ADGRB3: variants seen among roughly 807,000 people sequenced by gnomAD.
ADGRB3 encodes the protein brain-specific angiogenesis inhibitor 3.
ADGRB3 carries 37 observed loss-of-function variants against 193.4 expected under a neutral mutation model. The ratio of observed to expected loss-of-function variants is 0.19; its 90% CI spans 0.15 to 0.25. The LOEUF is 0.25. Ranked by LOEUF, ADGRB3 falls within the 10% of genes least tolerant of loss-of-function variation. The pLI is 1.00. For synonymous variants in ADGRB3, 690 were observed against 644.2 expected (o/e 1.07, Z -1.08); for missense variants, 1,637 against 1,852.9 (o/e 0.88, Z 2.14).
intron 3 of ADGRB3, among the ~76,000 whole-genome samples, chr6:68,893,542 TC>T (rs1432006732): frequency 2.6e-5 from 4 of 151,308 alleles, no homozygotes; most frequent in Non-Finnish European, 5.9e-5. Context: ...TTTTTTTTTT[TC>T]CTTCAGTGTT....
At chr6:69,339,284 C>G in intron 25 of ADGRB3, 49 bp from the exon 26 acceptor site, 1 of 1,589,328 alleles carries the variant, frequency 6.3e-7, no homozygotes, top group Non-Finnish European at 8.6e-7. Context: ...TGGCTATGGC[C>G]TGGGGTGTGA....
chr6:69,237,429 G>A (rs912135936), intron 19 of ADGRB3, among the ~76,000 whole-genome samples: 1 of 151,820 alleles, frequency 6.6e-6, no homozygotes, highest in Non-Finnish European at 1.5e-5. Context: ...GATAAGTTTG[G>A]CAGAGTTACA....
intron 20 of ADGRB3, among the ~76,000 whole-genome samples, chr6:69,292,965 C>T (rs1358212243): frequency 6.6e-6 from 1 of 151,654 alleles, no homozygotes; most frequent in East Asian, 2.0e-4. Flanking sequence ...GCTGCATCTC[C>T]TCTGTGATTC....
At chr6:68,707,677 C>T (rs1431280622) in intron 3 of ADGRB3, among the ~76,000 whole-genome samples, 4 of 152,044 alleles carry the variant, frequency 2.6e-5, no homozygotes, top group Non-Finnish European at 5.9e-5. Flanking sequence ...CATCAATTCA[C>T]AGTAATCACA....
chr6:69,104,093 A>G (rs1233250686), intron 17 of ADGRB3, among the ~76,000 whole-genome samples: 2 of 151,858 alleles, frequency 1.3e-5, no homozygotes, highest in Admixed American at 1.3e-4. Flanking sequence ...TGTGCAGGTT[A>G]GTTACATATG....
chr6:69,320,035 A>G (rs541828229), intron 20 of ADGRB3, among the ~76,000 whole-genome samples: 1 of 150,908 alleles, frequency 6.6e-6, no homozygotes, highest in Admixed American at 6.6e-5. Context: ...TCTTAGTTCA[A>G]TTTTTTCTGC....
intron 17 of ADGRB3, among the ~76,000 whole-genome samples, chr6:69,178,294 C>T (rs1775486256): frequency 6.6e-6 from 1 of 152,138 alleles, no homozygotes; most frequent in Non-Finnish European, 1.5e-5. Flanking sequence ...ATAGATCTTT[C>T]TCCAACCCTT....
chr6:68,690,054 G>A (rs1383355121), intron 3 of ADGRB3, among the ~76,000 whole-genome samples: 2 of 152,130 alleles, frequency 1.3e-5, no homozygotes, highest in East Asian at 3.9e-4. Context: ...GTAAGTGGGT[G>A]TGAAATTGAA....
chr6:69,159,653 T>C (rs1431473349), intron 17 of ADGRB3, among the ~76,000 whole-genome samples: 1 of 152,142 alleles, frequency 6.6e-6, no homozygotes, highest in East Asian at 1.9e-4. Context: ...CATTTGTTCA[T>C]GGAGTCCCAT....
At chr6:69,060,220 T>TTCTCTCTCTCTCTCTCTCTCTC (rs556453350) in intron 15 of ADGRB3, among the ~76,000 whole-genome samples, 1 of 129,550 alleles carries the variant, frequency 7.7e-6, no homozygotes, top group African/African-American at 3.1e-5. Context: ...CTCTCTCTCT[T>TTCTCTCTCTCTCTCTCTCTCTC]TCTCTCTCTC....
At chr6:69,345,379 A>C (rs1477252673) in intron 26 of ADGRB3, among the ~76,000 whole-genome samples, 2 of 152,210 alleles carry the variant, frequency 1.3e-5, no homozygotes, top group African/African-American at 4.8e-5. Context: ...TGAATCCAAC[A>C]GCACATCAAA....
rs184220631 is a variant in ADGRB3, at chr6:69,182,227, A to G, written c.2481-51063A>G. Among the ~76,000 whole-genome samples, 54 of 152,298 alleles carry G rather than the reference A, an allele frequency of 3.5e-4. No individual in the cohort carries two copies. In the Middle Eastern group the frequency reaches 0.014, roughly 38 times the overall value. Reference sequence around the variant, plus strand: ...AGTAAACATAAACTATGGCATAGAGAAAAATTGCAGAGTAGAGTATGAAGA... The same window carrying G: ...AGTAAACATAAACTATGGCATAGAGGAAAATTGCAGAGTAGAGTATGAAGA... On this transcript the variant is annotated intron_variant, in intron 17 of 31. Coordinates refer to ENST00000370598, the MANE Select transcript of ADGRB3 (RefSeq NM_001704.3).
intron 3 of ADGRB3, among the ~76,000 whole-genome samples, chr6:68,659,842 C>T (rs1049006726): frequency 6.6e-6 from 1 of 150,998 alleles, no homozygotes; most frequent in African/African-American, 2.4e-5. Context: ...ACAGCAGTAA[C>T]CATCTTTTAC....
chr6:68,700,282 A>G (rs986232855), intron 3 of ADGRB3, among the ~76,000 whole-genome samples: 2 of 152,182 alleles, frequency 1.3e-5, no homozygotes, highest in South Asian at 2.1e-4. Context: ...TAAGTATGCT[A>G]TCAAATATTT....
intron 17 of ADGRB3, among the ~76,000 whole-genome samples, chr6:69,121,147 C>T (rs1003088521): frequency 4.0e-5 from 6 of 151,786 alleles, no homozygotes; most frequent in Non-Finnish European, 7.4e-5. Flanking sequence ...GGCAGAGGTC[C>T]CTGCGGCCTT....
Position 68,703,918 on chromosome 6 carries a change from C to T in ADGRB3, c.757+64486C>T, listed in dbSNP as rs187300640. On this transcript the variant is annotated intron_variant, in intron 3 of 31. Coordinates refer to ENST00000370598, the MANE Select transcript of ADGRB3 (RefSeq NM_001704.3). ...GATTACAGGTGTGAGCCACTGTGCC[C>T]GGCCATTAAAATTAGTATATTGTCA... Among the ~76,000 whole-genome samples, 277 of 152,164 alleles carry T rather than the reference C, an allele frequency of 1.8e-3. 1 individual carries two copies. Among genetic ancestry groups the T allele is most frequent in the Non-Finnish European group, 2.0e-3 (133 of 67,992 alleles).
intron 17 of ADGRB3, among the ~76,000 whole-genome samples, chr6:69,090,900 A>G (rs887403875): frequency 6.6e-6 from 1 of 152,152 alleles, no homozygotes; most frequent in African/African-American, 2.4e-5. Context: ...TATTCTCACT[A>G]TTAGAAAGAA....
chr6:68,898,976 A>G (rs1377840400), intron 3 of ADGRB3, among the ~76,000 whole-genome samples: 1 of 152,196 alleles, frequency 6.6e-6, no homozygotes, highest in African/African-American at 2.4e-5. Context: ...TTGAGATATT[A>G]GAACAGAAAA....
chr6:68,639,090 C>G lies in ADGRB3; in HGVS notation c.415C>G (p.Pro139Ala). The change falls in exon 3 of 32, where the codon CCA (proline) becomes GCA (alanine). Residue 139 changes from proline (P) to alanine (A), a missense_variant. By Grantham distance (27) the Pro-to-Ala change is conservative (BLOSUM62 -1). Coordinates refer to ENST00000370598, the MANE Select transcript of ADGRB3 (RefSeq NM_001704.3). ...QIRRVFPTNF[P>A]GLQKKGEEDQ... ...ACGTCGAGTATTTCCAACTAATTTC[C>G]CAGGATTACAGAAAAAAGGGGAAGA... 5 of 1,613,922 alleles carry G rather than the reference C, an allele frequency of 3.1e-6. No homozygotes were observed. The highest frequency in any genetic ancestry group is 4.2e-6 in the Non-Finnish European group (5 of 1,179,962).
Sources: gnomAD v4.1 joint callset for allele counts (sites outside exome capture counted in the v4.1 genomes callset) on GRCh38, gnomAD v4.1.1 for gene constraint, MANE v1.5 for transcripts, NCBI Gene and HGNC (gene_info 2026-07-23, HGNC 2026-07-21) for gene names.